Variants in TRPM8 observed in about 807,000 individuals in gnomAD.
TRPM8 encodes the protein TRPM8 cationic channel.
TRPM8 carries 110 observed loss-of-function variants against 133.7 expected under a neutral mutation model. The observed-to-expected ratio is 0.82, with a 90% CI of 0.70 to 0.96. TRPM8 has a LOEUF of 0.96. TRPM8 is among the 40% of genes least tolerant of loss of function. TRPM8 has a pLI of 0.00. For synonymous variants in TRPM8, 535 were observed against 532.3 expected (o/e 1.01, Z -0.07); for missense variants, 1,291 against 1,379.5 (o/e 0.94, Z 1.02).
chr2:233,980,225 G>A lies in TRPM8; in HGVS notation c.2393G>A (p.Trp798Ter), dbSNP rs1156234321. Residue 798 changes from tryptophan to a stop codon, truncating the protein, a stop_gained, in exon 18 of 26, where the codon TGG (tryptophan) becomes TAG (stop). Transcript: ENST00000324695. LOFTEE classifies it high-confidence loss of function. ...GGGGTGAATTATTTTACTGACCTGT[G>A]GAATGTGATGGACACGCTGGGGCTT... is the stretch of plus-strand genomic sequence containing the variant. ...VNGVNYFTDL[W>*]NVMDTLGLFY... The A allele has an allele frequency of 3.1e-6, 5 of 1,603,252 alleles. No individual in the cohort carries two copies. Among genetic ancestry groups the A allele is most frequent in the Non-Finnish European group, 3.4e-6 (4 of 1,176,016 alleles).
rs566569362 is a variant in TRPM8, at chr2:233,972,995, G to A, written c.2355+2569G>A. 1.8e-4 allele frequency among the ~76,000 whole-genome samples: 27 copies of A among 152,370 alleles called. No homozygotes were observed. In the South Asian group the frequency reaches 2.7e-3, roughly 15 times the overall value. On this transcript the variant is annotated intron_variant, in intron 17 of 25. Transcript: ENST00000324695. ...GGCAGAGGAGGTGCCGAGAGCAAGC[G>A]AGGGCTGTGAGGACTGCCAGCACGC...
At chr2:233,948,290 T>C (rs1160968989) in intron 8 of TRPM8, among the ~76,000 whole-genome samples, 1 of 152,216 alleles carries the variant, frequency 6.6e-6, no homozygotes, top group Non-Finnish European at 1.5e-5. Context: ...TAAATAAAAA[T>C]ATTCAGGGAA....
intron 24 of TRPM8, 94 bp downstream of exon 24, chr2:234,008,197 A>G (rs1461477006): frequency 1.6e-6 from 2 of 1,273,070 alleles, no homozygotes; most frequent in African/African-American, 3.0e-5. Context: ...ATAATAAAAG[A>G]AGTTATATTC....
chr2:233,927,914 C>CTCTCTT (rs1691592143), intron 2 of TRPM8, among the ~76,000 whole-genome samples: 1 of 52,688 alleles, frequency 1.9e-5, no homozygotes, highest in Non-Finnish European at 2.8e-5. Context: ...TTCTTTCTCT[C>CTCTCTT]TCTCTCTCTT....
At chr2:233,971,658 C>T (rs1008421254) in intron 17 of TRPM8, among the ~76,000 whole-genome samples, 13 of 151,994 alleles carry the variant, frequency 8.6e-5, no homozygotes, top group African/African-American at 2.7e-4. Flanking sequence ...TTTGTTCCTT[C>T]TGATGTTCGG....
In TRPM8 at chr2:233,996,313, C is replaced by T; in HGVS notation, c.2940-13C>T. The T allele has an allele frequency of 6.2e-7, 1 of 1,613,220 alleles. No homozygotes were observed. The highest frequency in any genetic ancestry group is 8.5e-7 in the Non-Finnish European group (1 of 1,179,510). On this transcript the variant is annotated splice_polypyrimidine_tract_variant and intron_variant, in intron 21 of 25. Transcript: ENST00000324695. ...GCAATGCTAAGTCTTGGCCTTCTCT[C>T]TTCCCTCACCAGCTACACGGTGGGC...
rs200717033 is a variant in TRPM8, at chr2:233,985,830, C to T, written c.2904C>T (p.Asn968=). ...PLVCIYMLST[N]ILLVNLLVAM... is the part of the protein sequence containing the mutation. ...TGTGCATCTACATGTTATCCACCAA[C>T]ATCCTGCTGGTCAACCTGCTGGTCG... Residue 968 remains asparagine, a synonymous_variant, in exon 21 of 26, where the codon AAC becomes AAT. Transcript: ENST00000324695. The T allele has an allele frequency of 6.2e-7, 1 of 1,614,164 alleles. No homozygotes were observed. The highest frequency in any genetic ancestry group is 8.5e-7 in the Non-Finnish European group (1 of 1,180,026).
At position 233,927,910 on chromosome 2, in the gene TRPM8, C is replaced by CTTTCTTTCTT. The variant is rs1383928374; in HGVS notation, c.117+1257_117+1258insTTCTTTCTTT. On this transcript the variant is annotated intron_variant, in intron 2 of 25. Transcript: ENST00000324695. ...TCTTTCTTTCTTTCTTTCTTTCTTT[C>CTTTCTTTCTT]TCTCTCTCTCTCTTTCTCTCTCTCT... Among the ~76,000 whole-genome samples the CTTTCTTTCTT allele has an allele frequency of 7.9e-4, 30 of 38,044 alleles. 2 individuals carry two copies. The highest frequency in any genetic ancestry group is 0.01 in the Middle Eastern group (1 of 96). The allele number at this position is 38,044 out of a possible 152,430, so 25.0% of individuals were successfully genotyped here. A position where few individuals can be genotyped will look rare whatever the true frequency, so the allele number is the denominator to read the frequency against.
chr2:233,952,008 C>G (rs756543169), intron 9 of TRPM8, among the ~76,000 whole-genome samples: 1 of 152,314 alleles, frequency 6.6e-6, no homozygotes, highest in Non-Finnish European at 1.5e-5. Flanking sequence ...ACACCTTCCT[C>G]TCCTAAAAGC....
chr2:233,998,459 C>T (rs1367823598), intron 22 of TRPM8, among the ~76,000 whole-genome samples: 3 of 152,116 alleles, frequency 2.0e-5, no homozygotes, highest in Non-Finnish European at 4.4e-5. Flanking sequence ...GTCCTGCATC[C>T]TGGGAATCCA....
chr2:233,919,063 A>G (rs985087984), intron 1 of TRPM8, among the ~76,000 whole-genome samples: 2 of 152,010 alleles, frequency 1.3e-5, no homozygotes, highest in African/African-American at 4.8e-5. Context: ...TTAATCAGAA[A>G]GAGACTTAGA....
intron 20 of TRPM8, among the ~76,000 whole-genome samples, chr2:233,984,608 G>A (rs946235617): frequency 3.0e-4 from 45 of 151,834 alleles, no homozygotes; most frequent in Admixed American, 2.6e-3. Flanking sequence ...CACCACTGCC[G>A]CCCCGTGAGC....
chr2:234,014,619 A>G lies in TRPM8; in HGVS notation c.*7A>G. 6.7e-7 allele frequency: 1 copy of G among 1,482,260 alleles called. No homozygotes were observed. The highest frequency in any genetic ancestry group is 1.3e-5 in the South Asian group (1 of 78,700). 91.8% of individuals were successfully genotyped at this position (1,482,260 alleles called of 1,614,324 possible). On this transcript the variant is annotated 3_prime_UTR_variant, in exon 25 of 26. Transcript: ENST00000324695. ...TGCTAATAAAATCAAATAAAACTGT[A>G]TGAACTCTAATGGAGAAAAATCTAA... is the stretch of plus-strand genomic sequence containing the variant.
At chr2:233,974,266 C>A (rs1691807730) in intron 17 of TRPM8, among the ~76,000 whole-genome samples, 1 of 151,900 alleles carries the variant, frequency 6.6e-6, no homozygotes, top group South Asian at 2.1e-4. Flanking sequence ...CTGTATCTTG[C>A]TCTGTTGCCC....
At chr2:233,970,094 T>C in intron 16 of TRPM8, 116 bp from the exon 17 acceptor site, 2 of 983,090 alleles carry the variant, frequency 2.0e-6, no homozygotes, top group South Asian at 2.7e-5. Context: ...ACGGTTTTGC[T>C]CCCGTCTCTT....
At chr2:233,957,911 G>A (rs952676648) in intron 11 of TRPM8, among the ~76,000 whole-genome samples, 1 of 152,352 alleles carries the variant, frequency 6.6e-6, no homozygotes, top group East Asian at 1.9e-4. Flanking sequence ...TGGAGATGAC[G>A]ATAATAGCAG....
chr2:233,967,128 G>A (rs533057609), intron 15 of TRPM8, among the ~76,000 whole-genome samples: 138 of 152,314 alleles, frequency 9.1e-4, no homozygotes, highest in African/African-American at 3.2e-3. Context: ...TACAAAATGG[G>A]GATAGCAGCA....
chr2:233,927,899 T>TC (rs1691589306), intron 2 of TRPM8, among the ~76,000 whole-genome samples: 3 of 75,570 alleles, frequency 4.0e-5, no homozygotes, highest in East Asian at 5.8e-4. Context: ...TCTTTCTTTC[T>TC]TTCTTTCTTT....
Position 233,942,572 on chromosome 2 carries a change from A to G in TRPM8, c.527-4A>G, listed in dbSNP as rs757999332. 6.2e-7 allele frequency: 1 copy of G among 1,614,150 alleles called. No homozygotes were observed. The highest frequency in any genetic ancestry group is 1.1e-5 in the South Asian group (1 of 91,072). ...GACCATTTACTCTTCCTATTTGTTG[A>G]CAGGTGCTTGGATTCTCACGGGAGG... On this transcript the variant is annotated splice_polypyrimidine_tract_variant and splice_region_variant and intron_variant, in intron 5 of 25. Transcript: ENST00000324695.
Sources: gnomAD v4.1 joint callset for allele counts (sites outside exome capture counted in the v4.1 genomes callset) on GRCh38, gnomAD v4.1.1 for gene constraint, MANE v1.5 for transcripts, NCBI Gene and HGNC (gene_info 2026-07-23, HGNC 2026-07-21) for gene names.